The following MYT1L variants were observed in gnomAD, a reference collection of about 807,000 sequenced individuals.
MYT1L encodes myelin transcription factor 1-like protein.
Under a neutral mutation model 126.7 loss-of-function variants are expected in MYT1L, and 12 were observed. The ratio of observed to expected loss-of-function variants is 0.09; its 90% CI spans 0.06 to 0.15. The LOEUF (loss-of-function observed/expected upper bound fraction) is 0.15. Among genes scored for constraint, MYT1L ranks in the 10% least tolerant of loss-of-function variants. MYT1L has a pLI of 1.00. For synonymous variants in MYT1L, 541 were observed against 604.2 expected (o/e 0.90, Z 1.53); for missense variants, 979 against 1,585.2 (o/e 0.62, Z 6.49).
intron 8 of MYT1L, among the ~76,000 whole-genome samples, chr2:1,977,142 T>C (rs1489723752): frequency 6.6e-6 from 1 of 152,134 alleles, no homozygotes; most frequent in Non-Finnish European, 1.5e-5. Flanking sequence ...TAAGCAAAAG[T>C]TTATTGGAAA....
rs1358228588 is a variant in MYT1L at position 1,809,092 on chromosome 2, T to C, written c.3156A>G (p.Lys1052=). ...KLSGEQMLTI[K]QRASNGIEND... The stretch of plus-strand genomic sequence containing the variant: ...GGTGCTCACCGTTGCTGGCCCGCTG[T>C]TTGATGGTCAGCATCTGCTCTCCAG... Residue 1052 remains lysine (K), a synonymous_variant, in exon 22 of 25, where the codon AAA becomes AAG. Coordinates refer to ENST00000647738, the MANE Select transcript of MYT1L (RefSeq NM_001303052.2). The C allele has an allele frequency of 1.2e-6, 2 of 1,613,914 alleles. No homozygotes were observed. The highest frequency in any genetic ancestry group is 1.7e-6 in the Non-Finnish European group (2 of 1,179,864).
At chr2:2,297,781 G>C (rs537039346) in intron 1 of MYT1L, among the ~76,000 whole-genome samples, 1 of 152,034 alleles carries the variant, frequency 6.6e-6, no homozygotes, top group Non-Finnish European at 1.5e-5. Context: ...AAAATAAAGG[G>C]AATGTCTTTG....
At chr2:2,297,910 C>A (rs2095719354) in intron 1 of MYT1L, among the ~76,000 whole-genome samples, 1 of 152,230 alleles carries the variant, frequency 6.6e-6, no homozygotes, top group Non-Finnish European at 1.5e-5. Flanking sequence ...CATTCTTACT[C>A]ACATCTGCTT....
At chr2:2,294,956 C>CT (rs1028303870) in intron 1 of MYT1L, among the ~76,000 whole-genome samples, 3 of 149,012 alleles carry the variant, frequency 2.0e-5, no homozygotes, top group Non-Finnish European at 4.5e-5. Flanking sequence ...AAGTGATGTT[C>CT]TTTTTTTTTT....
intron 24 of MYT1L, 38 bp from the exon 25 acceptor site, chr2:1,792,045 AT>A (rs756789003): frequency 1.4e-6 from 2 of 1,433,118 alleles, no homozygotes; most frequent in South Asian, 2.7e-5. Context: ...TACAACTTTT[AT>A]TTTCTTAATA....
intron 4 of MYT1L, among the ~76,000 whole-genome samples, chr2:2,011,836 C>T (rs976572096): frequency 2.6e-5 from 4 of 152,166 alleles, no homozygotes; most frequent in African/African-American, 9.7e-5. Context: ...CATGCTATAC[C>T]CACTGGGATG....
chr2:2,130,186 C>T (rs567593184), intron 3 of MYT1L, among the ~76,000 whole-genome samples: 3 of 151,822 alleles, frequency 2.0e-5, no homozygotes, highest in East Asian at 1.9e-4. Flanking sequence ...CGAATAGGGA[C>T]GGCAAGTCAC....
intron 2 of MYT1L, among the ~76,000 whole-genome samples, chr2:2,245,269 A>G (rs2008419): frequency 0.32 from 48,918 of 151,934 alleles, 8,108 homozygotes; most frequent in African/African-American, 0.39. Flanking sequence ...CAACACCTAC[A>G]TCAAAGCATG....
intron 3 of MYT1L, among the ~76,000 whole-genome samples, chr2:2,071,932 T>C (rs1402568813): frequency 6.6e-6 from 1 of 152,172 alleles, no homozygotes; most frequent in Non-Finnish European, 1.5e-5. Flanking sequence ...GAGCAGATTT[T>C]AGTTTGGCAC....
rs192220562 is a variant in MYT1L at position 1,813,475 on chromosome 2, G to A, written c.3081-4308C>T. ...CGATGCTGGAATATTTCCTAGAGCA[G>A]GGGTCCCCAAACTCCCGGCCGTGGC... On this transcript the variant is annotated intron_variant, in intron 21 of 24. Transcript: ENST00000647738. 2.6e-5 allele frequency among the ~76,000 whole-genome samples: 4 copies of A among 152,282 alleles called. No individual in the cohort carries two copies. In the East Asian group the frequency reaches 7.8e-4, roughly 30 times the overall value.
intron 2 of MYT1L, among the ~76,000 whole-genome samples, chr2:2,273,042 G>A (rs943916530): frequency 3.3e-5 from 5 of 152,130 alleles, no homozygotes; most frequent in Non-Finnish European, 7.3e-5. Context: ...TCAGGGGCCT[G>A]TGCCTTCCGG....
At chr2:1,796,035 G>GA (rs891401555) in intron 23 of MYT1L, among the ~76,000 whole-genome samples, 6 of 151,844 alleles carry the variant, frequency 4.0e-5, no homozygotes, top group African/African-American at 1.2e-4. Context: ...TTAGTGGTAA[G>GA]AAAAAAAACA....
At chr2:2,048,987 T>G (rs2068510925) in intron 4 of MYT1L, among the ~76,000 whole-genome samples, 2 of 152,140 alleles carry the variant, frequency 1.3e-5, no homozygotes, top group South Asian at 4.1e-4. Context: ...CTCAAACAAT[T>G]TTATTTATTT....
intron 8 of MYT1L, among the ~76,000 whole-genome samples, chr2:1,955,036 C>A (rs1480758308): frequency 1.3e-5 from 2 of 151,688 alleles, no homozygotes; most frequent in African/African-American, 4.8e-5. Flanking sequence ...CCTGTAATCC[C>A]AGCTACTCAG....
chr2:2,206,729 G>A (rs991669448), intron 2 of MYT1L, among the ~76,000 whole-genome samples: 3 of 152,202 alleles, frequency 2.0e-5, no homozygotes, highest in South Asian at 2.1e-4. Flanking sequence ...CCCCCAAAGC[G>A]AATCCACAGT....
intron 10 of MYT1L, among the ~76,000 whole-genome samples, chr2:1,918,679 A>G (rs903006467): frequency 1.3e-5 from 2 of 152,230 alleles, no homozygotes; most frequent in African/African-American, 4.8e-5. Context: ...CTTATTCTGC[A>G]TAATGTGCCT....
At chr2:2,180,004 C>T (rs1346909470) in intron 2 of MYT1L, among the ~76,000 whole-genome samples, 2 of 152,170 alleles carry the variant, frequency 1.3e-5, no homozygotes, top group Non-Finnish European at 2.9e-5. Context: ...CTGATCCGTT[C>T]ATACCTTCAC....
intron 2 of MYT1L, among the ~76,000 whole-genome samples, chr2:2,190,054 C>T (rs1428002916): frequency 6.6e-6 from 1 of 152,176 alleles, no homozygotes; most frequent in South Asian, 2.1e-4. Context: ...CAGTGTTTCT[C>T]CTCTCTCCCA....
intron 5 of MYT1L, among the ~76,000 whole-genome samples, chr2:1,995,631 C>T (rs998827799): frequency 2.6e-5 from 4 of 152,104 alleles, no homozygotes; most frequent in Non-Finnish European, 5.9e-5. Flanking sequence ...CCACTGCTGC[C>T]GGGTAGTGGT....
Sources: allele counts gnomAD v4.1 joint callset (sites outside exome capture counted in the v4.1 genomes callset), GRCh38; gene constraint gnomAD v4.1.1; transcripts MANE v1.5; gene names NCBI Gene and HGNC (gene_info 2026-07-23, HGNC 2026-07-21).